Variants in RUNX1 observed in about 807,000 individuals in gnomAD.
The protein encoded by RUNX1 is runt-related transcription factor 1.
RUNX1 carries 19 observed loss-of-function variants against 42.8 expected under a neutral mutation model. The observed-to-expected ratio is 0.44, with a 90% CI of 0.31 to 0.65. The LOEUF (loss-of-function observed/expected upper bound fraction) is 0.65, where lower values mean the gene tolerates loss of function less well. Ranked by LOEUF, RUNX1 falls within the 30% of genes least tolerant of loss-of-function variation. The probability of loss-of-function intolerance (pLI) is 0.07; values close to 1 mark genes in which losing one functional copy is unlikely to be tolerated. For synonymous variants in RUNX1, 271 were observed against 289.4 expected (o/e 0.94, Z 0.64); for missense variants, 528 against 672.0 (o/e 0.79, Z 2.37).
At chr21:34,995,435 C>CTT (rs5843694) in intron 2 of RUNX1, among the ~76,000 whole-genome samples, 4,311 of 81,982 alleles carry the variant, frequency 0.053, 196 homozygotes, top group African/African-American at 0.09. Context: ...TTTCTGGGAG[C>CTT]TTTTTTTTTT....
chr21:34,971,597 C>T (rs566140878), intron 2 of RUNX1, among the ~76,000 whole-genome samples: 6 of 152,112 alleles, frequency 3.9e-5, no homozygotes, highest in South Asian at 2.1e-4. Flanking sequence ...TTATGTATGG[C>T]GTACATACTA....
Position 34,888,664 on chromosome 21 carries a change from G to C in RUNX1, c.98-1568C>G, listed in dbSNP as rs375031337. 5 of 1,046,960 alleles carry C rather than the reference G, an allele frequency of 4.8e-6. No homozygotes were observed. The African/African-American group carries it at 8.4e-5, about 17-fold the overall frequency. The allele number at this position is 1,046,960 out of a possible 1,614,324, so 64.9% of individuals were successfully genotyped here. A position where few individuals can be genotyped will look rare whatever the true frequency, so the allele number is the denominator to read the frequency against. On this transcript the variant is annotated intron_variant, in intron 3 of 8. Transcript: ENST00000675419. ...GGCTGGGTCCGGCCGCGGGGCGCCC[G>C]TCCCGCCCGCGCCCGCTGGCTCTAT...
intron 2 of RUNX1, among the ~76,000 whole-genome samples, chr21:35,045,198 C>CT (rs66741314): frequency 6.7e-5 from 10 of 149,352 alleles, no homozygotes; most frequent in South Asian, 6.4e-4. Flanking sequence ...TTTATCACAC[C>CT]TTTTTTTTTT....
rs186899632 is a variant in RUNX1, at chr21:35,027,261, G to A, written c.58+21581C>T. On this transcript the variant is annotated intron_variant, in intron 2 of 8. Transcript: ENST00000675419. Reference sequence around the variant, plus strand: ...AACATTTCGGGGACAGCTTGGAGGCGGGAGATTTAGGCAGGGCTCCTTAAA... The same window carrying A: ...AACATTTCGGGGACAGCTTGGAGGCAGGAGATTTAGGCAGGGCTCCTTAAA... Among the ~76,000 whole-genome samples, 63 of 152,330 alleles carry A rather than the reference G, an allele frequency of 4.1e-4. 1 individual carries two copies. The highest frequency in any genetic ancestry group is 3.9e-3 in the Admixed American group (59 of 15,312).
chr21:34,986,809 C>T (rs950804014), intron 2 of RUNX1, among the ~76,000 whole-genome samples: 5 of 152,044 alleles, frequency 3.3e-5, no homozygotes, highest in Admixed American at 2.6e-4. Context: ...GGAATTCTAG[C>T]CTCTAGGGCT....
At chr21:35,048,735 G>T in intron 2 of RUNX1, 107 bp downstream of exon 2, 1 of 891,824 alleles carries the variant, frequency 1.1e-6, no homozygotes. Context: ...ACAAGACAGG[G>T]AACTGGCAGG....
chr21:34,799,882 A>C (rs2056584093), intron 7 of RUNX1, among the ~76,000 whole-genome samples: 1 of 152,178 alleles, frequency 6.6e-6, no homozygotes, highest in Non-Finnish European at 1.5e-5. Context: ...TCAGGGGATC[A>C]CCTGTCTGTG....
intron 2 of RUNX1, among the ~76,000 whole-genome samples, chr21:34,961,611 G>T (rs2146707373): frequency 6.6e-6 from 1 of 152,234 alleles, no homozygotes; most frequent in East Asian, 1.9e-4. Flanking sequence ...AGAGGAAAGT[G>T]ACTTTAAGGC....
chr21:34,923,730 A>G (rs2146564783), intron 2 of RUNX1, among the ~76,000 whole-genome samples: 1 of 113,318 alleles, frequency 8.8e-6, no homozygotes, highest in East Asian at 2.2e-4. Flanking sequence ...TTTCTTTCCC[A>G]ACACTGCAAC....
At chr21:34,886,779 C>T (rs1004972659) in intron 4 of RUNX1, 64 bp downstream of exon 4, 2 of 1,608,654 alleles carry the variant, frequency 1.2e-6, no homozygotes, top group Admixed American at 3.3e-5. Flanking sequence ...CCGCTGCCCT[C>T]GCGGATCTCC....
At chr21:34,842,410 T>C (rs2057250382) in intron 6 of RUNX1, among the ~76,000 whole-genome samples, 1 of 140,644 alleles carries the variant, frequency 7.1e-6, no homozygotes, top group Non-Finnish European at 1.5e-5. Flanking sequence ...CAGGAGAATC[T>C]CTTGAACCCA....
intron 2 of RUNX1, among the ~76,000 whole-genome samples, chr21:34,943,672 G>C (rs1323288593): frequency 6.6e-6 from 1 of 152,120 alleles, no homozygotes; most frequent in East Asian, 1.9e-4. Context: ...ACCCCCTAAA[G>C]AGACTCAGAG....
At chr21:34,880,454 G>T in intron 5 of RUNX1, 103 bp downstream of exon 5, 1 of 1,087,332 alleles carries the variant, frequency 9.2e-7, no homozygotes, top group Non-Finnish European at 1.4e-6. Flanking sequence ...TGTTAAGACA[G>T]ACCGAGTTTC....
At chr21:34,881,143 C>T (rs2057899183) in intron 4 of RUNX1, among the ~76,000 whole-genome samples, 1 of 152,188 alleles carries the variant, frequency 6.6e-6, no homozygotes, top group Admixed American at 6.5e-5. Flanking sequence ...ATACAAGCAT[C>T]TCTTCTTAAT....
intron 7 of RUNX1, among the ~76,000 whole-genome samples, chr21:34,802,447 C>T (rs2056620332): frequency 6.6e-6 from 1 of 152,244 alleles, no homozygotes; most frequent in Non-Finnish European, 1.5e-5. Flanking sequence ...CTTCCTGTGG[C>T]ATTAATCATC....
At chr21:35,008,862 G>T (rs897254297) in intron 2 of RUNX1, among the ~76,000 whole-genome samples, 2 of 152,298 alleles carry the variant, frequency 1.3e-5, no homozygotes, top group African/African-American at 4.8e-5. Context: ...CTATTAGAAC[G>T]TCAAGTAGGA....
chr21:35,039,401 C>T (rs1482792700), intron 2 of RUNX1, among the ~76,000 whole-genome samples: 3 of 152,094 alleles, frequency 2.0e-5, no homozygotes, highest in South Asian at 2.1e-4. Flanking sequence ...GCCAAATATT[C>T]GGCTCTTCCT....
chr21:34,978,234 C>T (rs555051982), intron 2 of RUNX1, among the ~76,000 whole-genome samples: 4 of 152,222 alleles, frequency 2.6e-5, no homozygotes, highest in South Asian at 2.1e-4. Flanking sequence ...CACCGCGCCC[C>T]GCCCATAAAC....
At chr21:34,836,795 T>C (rs1601420383) in intron 6 of RUNX1, among the ~76,000 whole-genome samples, 1 of 152,186 alleles carries the variant, frequency 6.6e-6, no homozygotes, top group African/African-American at 2.4e-5. Context: ...AGGAGAGTGA[T>C]GTGAGCGAGG....
Sources: allele counts gnomAD v4.1 joint callset (sites outside exome capture counted in the v4.1 genomes callset), GRCh38; gene constraint gnomAD v4.1.1; transcripts MANE v1.5; gene names NCBI Gene and HGNC (gene_info 2026-07-23, HGNC 2026-07-21).